The following RHBDF2 variants were observed in gnomAD, a reference collection of about 807,000 sequenced individuals.
RHBDF2 encodes rhomboid 5 homolog 2, also known as inactive rhomboid protein 2.
In RHBDF2, 38 loss-of-function variants were observed where a neutral mutation model predicts 95.2. The observed-to-expected ratio is 0.40, with a 90% confidence interval of 0.31 to 0.52. The LOEUF is 0.52. RHBDF2 is among the 20% of genes least tolerant of loss of function. The pLI, the probability that RHBDF2 is intolerant of heterozygous loss-of-function variation, is 0.56. For missense variants in RHBDF2, 863 were observed against 1,137.7 expected (o/e 0.76, Z 3.47); for synonymous variants, 442 against 462.0 (o/e 0.96, Z 0.55).
At position 76,481,379 on chromosome 17, in the gene RHBDF2, G is replaced by C. The variant is rs757277821; in HGVS notation, c.146C>G (p.Pro49Arg). ...CCCCCAGGCCAGCCCCCTTACCTCA[G>C]GCAGCATGCTGTCCTGCTCGCCAGG... ...QAPGEQDSML[P>R]ERKNPAYLKS... The change falls in exon 3 of 19, where the codon CCT becomes CGT. Residue 49 changes from proline (P) to arginine (R), a missense_variant. Coordinates refer to ENST00000675367, the MANE Select transcript of RHBDF2 (RefSeq NM_001005498.4). The C allele has an allele frequency of 8.7e-6, 14 of 1,611,176 alleles. No homozygotes were observed. The East Asian group carries it at 3.1e-4, about 36-fold the overall frequency.
At chr17:76,486,948 C>T (rs568487358) in intron 2 of RHBDF2, among the ~76,000 whole-genome samples, 22 of 127,880 alleles carry the variant, frequency 1.7e-4, no homozygotes, top group Admixed American at 5.8e-4. Flanking sequence ...ACCTCGCTTC[C>T]TGCCTTTTTT....
chr17:76,492,791 G>A (rs1234949911), intron 1 of RHBDF2, among the ~76,000 whole-genome samples: 2 of 152,220 alleles, frequency 1.3e-5, no homozygotes, highest in African/African-American at 2.4e-5. Context: ...GTGCAGCCCA[G>A]AGGGAAACAG....
chr17:76,486,115 C>CACAT (rs1484804849), intron 2 of RHBDF2, among the ~76,000 whole-genome samples: 4,732 of 143,632 alleles, frequency 0.033, 86 homozygotes, highest in Non-Finnish European at 0.049. Context: ...CACACACACA[C>CACAT]ATATAGTTTT....
rs563117335 is a variant in RHBDF2, at chr17:76,473,839, C to G, written c.1638G>C (p.Pro546=). ...HIWPDDITKW[P]ICTEQARSNH... The stretch of plus-strand genomic sequence containing the variant: ...ACCACTCCCCGCCAGGGACACTCAC[C>G]GGCCACTTAGTGATGTCATCGGGCC... Residue 546 remains proline (P), a splice_region_variant and synonymous_variant, in exon 14 of 19, where the codon CCG becomes CCC. Coordinates refer to ENST00000675367, the MANE Select transcript of RHBDF2 (RefSeq NM_001005498.4). 2 of 1,614,056 alleles carry G rather than the reference C, an allele frequency of 1.2e-6. No individual in the cohort carries two copies. Among genetic ancestry groups the G allele is most frequent in the South Asian group, 2.2e-5 (2 of 91,080 alleles).
chr17:76,479,130 T>C lies in RHBDF2; in HGVS notation c.420A>G (p.Ala140=), dbSNP rs2073865559. The C allele has an allele frequency of 6.2e-7, 1 of 1,613,618 alleles. No individual in the cohort carries two copies. The highest frequency in any genetic ancestry group is 8.5e-7 in the Non-Finnish European group (1 of 1,179,912). The change falls in exon 5 of 19, where the codon GCA becomes GCG. Residue 140 remains alanine, a synonymous_variant. Transcript: ENST00000675367. The part of the protein sequence containing the change: ...QRDLELPSQE[A]PSFQGTESPK... ...GGGACTCAGTGCCCTGGAAGGACGG[T>C]GCCTCCTGGCTGGGGAGCTCCAGGT...
chr17:76,496,461 G>C (rs1412924992), intron 1 of RHBDF2, among the ~76,000 whole-genome samples: 1 of 152,228 alleles, frequency 6.6e-6, no homozygotes, highest in East Asian at 1.9e-4. Context: ...GAACTGGTGA[G>C]GGGCAGGAGA....
rs150073960 is a variant in RHBDF2 at position 76,484,607 on chromosome 17, G to A, written c.-21-3062C>T. Among the ~76,000 whole-genome samples the A allele has an allele frequency of 6.6e-5, 10 of 151,034 alleles. No homozygotes were observed. In the East Asian group the frequency reaches 9.9e-4, roughly 15 times the overall value. ...CCTGAGACTGATCATTCTCCGCACCGCAGCTGGGGTCACCTCCCAAAAGCA... is the reference window on the plus strand; with the variant it reads ...CCTGAGACTGATCATTCTCCGCACCACAGCTGGGGTCACCTCCCAAAAGCA... On this transcript the variant is annotated intron_variant, in intron 2 of 18. Transcript: ENST00000675367.
In RHBDF2 at chr17:76,474,947, C is replaced by T. The variant is rs1003802083; in HGVS notation, c.1227+83G>A. 9.9e-5 allele frequency: 144 copies of T among 1,459,666 alleles called. 1 individual carries two copies. In the Admixed American group the frequency reaches 2.5e-3, roughly 25 times the overall value. The allele number at this position is 1,459,666 out of a possible 1,614,324, so 90.4% of individuals were successfully genotyped here. A position where few individuals can be genotyped will look rare whatever the true frequency, so the allele number is the denominator to read the frequency against. On this transcript the variant is annotated intron_variant, in intron 10 of 18. Transcript: ENST00000675367. Reference sequence around the variant, plus strand: ...CCACCCTGCTGGGGCCAGATTGTTGCGGTGGGAGGGATTAGGTACCCACGA... The same window carrying T: ...CCACCCTGCTGGGGCCAGATTGTTGTGGTGGGAGGGATTAGGTACCCACGA...
chr17:76,496,366 C>A (rs1016572641), intron 1 of RHBDF2, among the ~76,000 whole-genome samples: 4 of 152,190 alleles, frequency 2.6e-5, no homozygotes, highest in African/African-American at 9.7e-5. Context: ...TCCAAGGTCC[C>A]ACAGTTAGGG....
chr17:76,492,599 G>A (rs934240013), intron 1 of RHBDF2, among the ~76,000 whole-genome samples: 1 of 152,148 alleles, frequency 6.6e-6, no homozygotes, highest in Non-Finnish European at 1.5e-5. Context: ...CCAGCCCACT[G>A]CCCCTCCCAA....
rs763844221 is a variant in RHBDF2 at position 76,474,491 on chromosome 17, C to T, written c.1346G>A (p.Arg449Gln). The T allele has an allele frequency of 1.4e-5, 22 of 1,614,062 alleles. No individual in the cohort carries two copies. The highest frequency in any genetic ancestry group is 5.3e-5 in the African/African-American group (4 of 74,938). ...HLGAKFSPCI[R>Q]KDGQIEQLVL... ...CAGCTGCTCGATCTGCCCGTCCTTC[C>T]GGATGCAGGGTGAGAACTTGGCCCC... Residue 449 changes from arginine to glutamine, a missense_variant, in exon 12 of 19, where the codon CGG (arginine) becomes CAG (glutamine). By Grantham distance (43) the Arg-to-Gln change is conservative. This residue lies in a region of RHBDF2 where 611 missense variants were observed against 725.5 expected (regional missense o/e 0.84). Transcript: ENST00000675367.
chr17:76,492,025 C>T (rs1055344043), intron 1 of RHBDF2, among the ~76,000 whole-genome samples: 2 of 152,210 alleles, frequency 1.3e-5, no homozygotes, highest in Non-Finnish European at 2.9e-5. Flanking sequence ...CCCGCCTCCG[C>T]ACCCAGCCCA....
rs1384004184 is a variant in RHBDF2, at chr17:76,471,741, C to T, written c.2376G>A (p.Leu792=). ...AFAGLFAALV[L]WLYIYPINWP... The stretch of plus-strand genomic sequence containing the variant: ...AGTTAATGGGGTAGATGTACAGCCA[C>T]AGCACGAGGGCGGCGAAGAGGCCGG... Residue 792 remains leucine, a synonymous_variant, in exon 19 of 19, where the codon CTG becomes CTA. Coordinates refer to ENST00000675367, the MANE Select transcript of RHBDF2 (RefSeq NM_001005498.4). 8.1e-6 allele frequency: 13 copies of T among 1,611,202 alleles called. No homozygotes were observed. Among genetic ancestry groups the T allele is most frequent in the South Asian group, 1.1e-5 (1 of 90,496 alleles).
rs1182292953 is a variant in RHBDF2, at chr17:76,473,031, G to C, written c.1884C>G (p.Leu628=). 1 of 1,614,084 alleles carries C rather than the reference G, an allele frequency of 6.2e-7. No individual in the cohort carries two copies. The highest frequency in any genetic ancestry group is 2.2e-5 in the East Asian group (1 of 44,888). ...NPEVPDQFYR[L]WLSLFLHAGV... The stretch of plus-strand genomic sequence containing the variant: ...CAGCATGTAGGAAGAGAGACAGCCA[G>C]AGCCTGTAGAACTGATCTGGGACCT... Residue 628 remains leucine, a synonymous_variant, in exon 17 of 19, where the codon CTC becomes CTG. Coordinates refer to ENST00000675367, the MANE Select transcript of RHBDF2 (RefSeq NM_001005498.4).
At chr17:76,474,919 G>T in intron 10 of RHBDF2, 111 bp downstream of exon 10, 1 of 1,500,980 alleles carries the variant, frequency 6.7e-7, no homozygotes, top group Non-Finnish European at 9.1e-7. Flanking sequence ...GCTATGGTGA[G>T]CACCACCCTG....
At chr17:76,477,509 C>T in intron 7 of RHBDF2, 148 bp downstream of exon 7, 1 of 1,098,128 alleles carries the variant, frequency 9.1e-7, no homozygotes, top group Non-Finnish European at 1.3e-6. Flanking sequence ...AGATGGGGGC[C>T]CAGCAGCTCC....
intron 9 of RHBDF2, 132 bp downstream of exon 9, chr17:76,476,698 T>C: frequency 7.3e-7 from 1 of 1,366,276 alleles, no homozygotes; most frequent in African/African-American, 1.5e-5. Flanking sequence ...CCTTCGAGCT[T>C]GTCACTACAC....
chr17:76,488,369 G>A (rs1280093108), intron 1 of RHBDF2, among the ~76,000 whole-genome samples: 1 of 151,876 alleles, frequency 6.6e-6, no homozygotes, highest in South Asian at 2.1e-4. Context: ...GTATGGTGGT[G>A]CACACCTTTA....
At chr17:76,475,188 C>T (rs1170843477) in intron 9 of RHBDF2, 47 bp from the exon 10 acceptor site, 7 of 1,417,854 alleles carry the variant, frequency 4.9e-6, no homozygotes, top group African/African-American at 1.4e-5. Flanking sequence ...CCTATCCCAA[C>T]CCCCAGTCCC....
Sources: gnomAD v4.1 joint callset for allele counts (sites outside exome capture counted in the v4.1 genomes callset) on GRCh38, gnomAD v4.1.1 for gene constraint, gnomAD v4.1.1 regional missense constraint, MANE v1.5 for transcripts, NCBI Gene and HGNC (gene_info 2026-07-23, HGNC 2026-07-21) for gene names.